Variants in RNPC3 observed in about 807,000 individuals in gnomAD.
The protein encoded by RNPC3 is RNA-binding region-containing protein 3.
Under a neutral mutation model 67.5 loss-of-function variants are expected in RNPC3, and 48 were observed. The ratio of observed to expected loss-of-function variants is 0.71; its 90% CI spans 0.56 to 0.90. The LOEUF (loss-of-function observed/expected upper bound fraction) is 0.90, where lower values mean the gene tolerates loss of function less well. RNPC3 is among the 40% of genes least tolerant of loss of function. The pLI, the probability that RNPC3 is intolerant of heterozygous loss-of-function variation, is 0.00. For missense variants in RNPC3, 637 were observed against 626.1 expected, an observed-to-expected ratio of 1.02 and a Z score of -0.19; for synonymous variants, 239 against 210.3, an observed-to-expected ratio of 1.14 and a Z score of -1.18.
At chr1:103,554,316 T>C (rs2101056263) in intron 14 of RNPC3, 1 of 152,356 alleles carries the variant, frequency 6.6e-6, no homozygotes, top group East Asian at 1.9e-4. Context: ...ATCACACCAC[T>C]GCATTCTAGC....
At position 103,537,390 on chromosome 1, in the gene RNPC3, C is replaced by T. The variant is rs759066025; in HGVS notation, c.673C>T (p.Gln225Ter). Residue 225 changes from glutamine (Q) to a stop codon, truncating the protein, a stop_gained, in exon 7 of 15, where the codon CAG becomes TAG. Transcript: ENST00000423855. LOFTEE classifies it high-confidence loss of function. ...LHAPLPPTSPQPPEEPPLPDE... is the reference protein window; with the variant it reads ...LHAPLPPTSP The stretch of plus-strand genomic sequence containing the variant: ...TGCACCTCTTCCACCCACATCTCCT[C>T]AGCCACCTGAGGAACCTCCTTTGCC... The T allele has an allele frequency of 2.0e-6, 3 of 1,536,174 alleles. No individual in the cohort carries two copies. The highest frequency in any genetic ancestry group is 1.2e-5 in the South Asian group (1 of 84,018).
chr1:103,527,065 A>G (rs1213590592), intron 1 of RNPC3, among the ~76,000 whole-genome samples: 1 of 152,180 alleles, frequency 6.6e-6, no homozygotes, highest in Non-Finnish European at 1.5e-5. Context: ...ACATCAGGTC[A>G]TCGTGTATCA....
chr1:103,533,845 A>AC lies in RNPC3; in HGVS notation c.347_348insC (p.Glu116AspfsTer7). The AC allele has an allele frequency of 5.5e-6, 4 of 721,422 alleles. No individual in the cohort carries two copies. Among genetic ancestry groups the AC allele is most frequent in the Non-Finnish European group, 7.5e-6 (4 of 534,966 alleles). 44.7% of individuals were successfully genotyped at this position (721,422 alleles called of 1,614,324 possible). A position where few individuals can be genotyped will look rare whatever the true frequency, so the allele number is the denominator to read the frequency against. On this transcript the variant is annotated frameshift_variant, in exon 3 of 15. Coordinates refer to ENST00000423855, the MANE Select transcript of RNPC3 (RefSeq NM_017619.4). LOFTEE classifies it high-confidence loss of function. The stretch of plus-strand genomic sequence containing the variant: ...TCCCCATGTCCCACTTCAGGCTCTG[A>AC]AAAAAAAAAAAGGTATGTAGATCAG...
intron 2 of RNPC3, among the ~76,000 whole-genome samples, chr1:103,528,437 C>T (rs1650767426): frequency 6.6e-6 from 1 of 152,006 alleles, no homozygotes; most frequent in Admixed American, 6.6e-5. Context: ...GAATAACTAT[C>T]TGAAGAAGAC....
chr1:103,548,174 G>A lies in RNPC3; in HGVS notation c.1361+1139G>A, dbSNP rs149300759. ...GCCATGAGACCTCTAACATGCCCTG[G>A]AGACATATTCCTCATTTTCTTGGGG... is the stretch of plus-strand genomic sequence containing the variant. On this transcript the variant is annotated intron_variant, in intron 12 of 14. Transcript: ENST00000423855. 8.2e-4 allele frequency among the ~76,000 whole-genome samples: 125 copies of A among 152,268 alleles called. 1 individual carries two copies. Among genetic ancestry groups the A allele is most frequent in the African/African-American group, 2.9e-3 (121 of 41,550 alleles).
intron 7 of RNPC3, among the ~76,000 whole-genome samples, chr1:103,538,046 T>C (rs896795483): frequency 3.3e-5 from 5 of 152,152 alleles, no homozygotes; most frequent in African/African-American, 9.6e-5. Flanking sequence ...GGTTTCTCCA[T>C]GTTGGTCAGG....
At chr1:103,529,743 T>C (rs1439291866) in intron 2 of RNPC3, among the ~76,000 whole-genome samples, 2 of 152,178 alleles carry the variant, frequency 1.3e-5, no homozygotes, top group Admixed American at 1.3e-4. Flanking sequence ...AAATTAACTT[T>C]GTATGATGAT....
intron 14 of RNPC3, chr1:103,552,341 A>G (rs1557762436): frequency 1.3e-5 from 2 of 152,180 alleles, no homozygotes; most frequent in African/African-American, 2.4e-5. Context: ...ATGATGAGGC[A>G]TCTTATCCAG....
chr1:103,534,371 G>A (rs1650933962), intron 3 of RNPC3, among the ~76,000 whole-genome samples: 1 of 151,906 alleles, frequency 6.6e-6, no homozygotes, highest in South Asian at 2.1e-4. Context: ...GGAAGGGATG[G>A]GAAAATGTTG....
chr1:103,555,099 A>G lies in RNPC3; in HGVS notation c.*78A>G, dbSNP rs1651506650. 1 of 152,030 alleles carries G rather than the reference A, an allele frequency of 6.6e-6. No individual in the cohort carries two copies. The highest frequency in any genetic ancestry group is 2.4e-5 in the African/African-American group (1 of 41,406). The allele number at this position is 152,030 out of a possible 1,614,324, so 9.4% of individuals were successfully genotyped here. A position where few individuals can be genotyped will look rare whatever the true frequency, so the allele number is the denominator to read the frequency against. On this transcript the variant is annotated 3_prime_UTR_variant, in exon 15 of 15. Transcript: ENST00000423855. ...TGAGAGGAAGAAATTGACCACCTGG[A>G]CTATGGAACTGTGCGTAACAGCTTT...
intron 12 of RNPC3, 133 bp from the exon 13 acceptor site, chr1:103,550,808 A>G (rs1015054563): frequency 2.4e-5 from 19 of 800,780 alleles, no homozygotes; most frequent in African/African-American, 5.3e-5. Flanking sequence ...TTTTTAGAAA[A>G]CTGAATAATT....
At chr1:103,533,914 TA>T (rs1007030305) in intron 3 of RNPC3, 57 bp downstream of exon 3, 16 of 920,906 alleles carry the variant, frequency 1.7e-5, no homozygotes, top group African/African-American at 3.3e-5. Flanking sequence ...TGTGTTTTTT[TA>T]AATCAGTTAT....
In RNPC3 at chr1:103,550,798, T is replaced by C; in HGVS notation, c.1362-143T>C. 9.4e-6 allele frequency: 7 copies of C among 745,684 alleles called. No individual in the cohort carries two copies. In the South Asian group the frequency reaches 1.3e-4, roughly 14 times the overall value. The allele number at this position is 745,684 out of a possible 1,614,324, so 46.2% of individuals were successfully genotyped here. A position where few individuals can be genotyped will look rare whatever the true frequency, so the allele number is the denominator to read the frequency against. ...ATTTTAGTGCAGAACATGAAATATA[T>C]TTTTAGAAAACTGAATAATTGACGT... On this transcript the variant is annotated intron_variant, in intron 12 of 14. Coordinates refer to ENST00000423855, the MANE Select transcript of RNPC3 (RefSeq NM_017619.4).
intron 1 of RNPC3, 38 bp from the exon 2 acceptor site, chr1:103,527,657 T>G (rs1363053960): frequency 2.7e-6 from 4 of 1,472,458 alleles, no homozygotes; most frequent in African/African-American, 1.4e-5. Flanking sequence ...GAAACTGAAA[T>G]TATATTGGAA....
intron 6 of RNPC3, 83 bp downstream of exon 6, chr1:103,536,277 C>A: frequency 1.1e-6 from 1 of 912,938 alleles, no homozygotes; most frequent in Non-Finnish European, 1.7e-6. Context: ...GGTGTTGTAG[C>A]AACCTCTGAT....
intron 1 of RNPC3, among the ~76,000 whole-genome samples, chr1:103,527,213 A>G (rs752774110): frequency 4.6e-5 from 7 of 152,174 alleles, no homozygotes; most frequent in Admixed American, 1.3e-4. Flanking sequence ...AATCCGTATA[A>G]TTTATGTTTA....
rs987847696 is a variant in RNPC3, at chr1:103,550,924, C to G, written c.1362-17C>G. ...GAAACTGACATTCTTTGAATCAAAA[C>G]TGTTTCTTCCTTCTAGGTTTGATAT... On this transcript the variant is annotated splice_polypyrimidine_tract_variant and intron_variant, in intron 12 of 14. Transcript: ENST00000423855. 54 of 1,607,290 alleles carry G rather than the reference C, an allele frequency of 3.4e-5. No homozygotes were observed. Among genetic ancestry groups the G allele is most frequent in the Non-Finnish European group, 4.2e-5 (50 of 1,177,762 alleles).
chr1:103,551,639 C>A, intron 13 of RNPC3, 82 bp from the exon 14 acceptor site: 3 of 795,606 alleles, frequency 3.8e-6, no homozygotes, highest in Non-Finnish European at 4.0e-6. Flanking sequence ...ATACTCCCAC[C>A]ATACACTAGA....
intron 12 of RNPC3, among the ~76,000 whole-genome samples, chr1:103,549,929 G>A (rs548643057): frequency 4.0e-5 from 6 of 151,288 alleles, no homozygotes; most frequent in East Asian, 1.9e-4. Flanking sequence ...TTGGGAGGCC[G>A]AAGCGGGGGG....
Sources: allele counts gnomAD v4.1 joint callset (sites outside exome capture counted in the v4.1 genomes callset), GRCh38; gene constraint gnomAD v4.1.1; transcripts MANE v1.5; gene names NCBI Gene and HGNC (gene_info 2026-07-23, HGNC 2026-07-21).